ARHGAP22: variants seen among roughly 807,000 people sequenced by gnomAD.
The protein encoded by ARHGAP22 is Rho GTPase activating protein 22.
Under a neutral mutation model 59.1 loss-of-function variants are expected in ARHGAP22, and 48 were observed. That is an observed-to-expected ratio of 0.81 (90% CI 0.64 to 1.03). The LOEUF is 1.03. Ranked by LOEUF, ARHGAP22 falls within the 50% of genes least tolerant of loss-of-function variation. ARHGAP22 has a pLI of 0.00. For synonymous variants in ARHGAP22, 445 were observed against 416.4 expected (o/e 1.07, Z -0.84); for missense variants, 1,015 against 958.7 (o/e 1.06, Z -0.78).
At chr10:48,522,938 G>A (rs7896115) in intron 3 of ARHGAP22, among the ~76,000 whole-genome samples, 131,748 of 152,220 alleles carry the variant, frequency 0.87, 57,597 homozygotes, top group Non-Finnish European at 0.9. Context: ...GTGTAAATGT[G>A]GGGTCCTGTT....
intron 1 of ARHGAP22, among the ~76,000 whole-genome samples, chr10:48,597,940 G>A (rs1475418228): frequency 1.3e-5 from 2 of 152,222 alleles, no homozygotes; most frequent in Non-Finnish European, 1.5e-5. Flanking sequence ...TTGGATAGTG[G>A]AGTCCAAGGT....
At chr10:48,514,686 C>A (rs1341225512) in intron 3 of ARHGAP22, among the ~76,000 whole-genome samples, 1 of 152,052 alleles carries the variant, frequency 6.6e-6, no homozygotes, top group Non-Finnish European at 1.5e-5. Flanking sequence ...AAATAAAAGA[C>A]AAAATAAATG....
At chr10:48,495,028 C>A (rs2050776337) in intron 3 of ARHGAP22, among the ~76,000 whole-genome samples, 1 of 152,362 alleles carries the variant, frequency 6.6e-6, no homozygotes, top group South Asian at 2.1e-4. Context: ...ATTAGTCTTA[C>A]ACGACTTTCT....
intron 9 of ARHGAP22, 106 bp from the exon 10 acceptor site, chr10:48,446,725 C>T (rs2045390167): frequency 8.8e-7 from 1 of 1,137,862 alleles, no homozygotes; most frequent in South Asian, 1.6e-5. Context: ...TCAGGCCAAG[C>T]CATGGCGGCA....
intron 5 of ARHGAP22, among the ~76,000 whole-genome samples, chr10:48,456,481 G>A (rs978121017): frequency 6.6e-6 from 1 of 152,178 alleles, no homozygotes; most frequent in Non-Finnish European, 1.5e-5. Flanking sequence ...CCCGGGCCAT[G>A]TTCCTGGCCA....
upstream of ARHGAP22, among the ~76,000 whole-genome samples, chr10:48,608,410 A>G (rs1468669410): frequency 2.6e-5 from 4 of 152,164 alleles, no homozygotes; most frequent in African/African-American, 9.7e-5. Flanking sequence ...GTGTGCAGCT[A>G]GAGGAGGGAG....
chr10:48,470,981 A>G (rs2048176469), intron 4 of ARHGAP22, among the ~76,000 whole-genome samples: 1 of 152,182 alleles, frequency 6.6e-6, no homozygotes, highest in African/African-American at 2.4e-5. Context: ...TAGAGATGTC[A>G]TTCCATCAAA....
chr10:48,584,263 T>C (rs566357437), intron 1 of ARHGAP22, among the ~76,000 whole-genome samples: 1 of 152,328 alleles, frequency 6.6e-6, no homozygotes, highest in East Asian at 1.9e-4. Flanking sequence ...CTCTTCCCAC[T>C]ACACTAGTGA....
At chr10:48,524,200 C>G (rs2054105397) in intron 3 of ARHGAP22, 1 of 878,396 alleles carries the variant, frequency 1.1e-6, no homozygotes, top group Non-Finnish European at 1.4e-6. Context: ...GGGCAGTGCC[C>G]AGCTGGGCGC....
intron 3 of ARHGAP22, among the ~76,000 whole-genome samples, chr10:48,509,584 G>A (rs917141449): frequency 1.3e-5 from 2 of 152,230 alleles, no homozygotes; most frequent in Non-Finnish European, 2.9e-5. Context: ...TCACAGCAGA[G>A]GCAGGGCAGG....
intron 1 of ARHGAP22, among the ~76,000 whole-genome samples, chr10:48,598,265 C>T (rs887590936): frequency 2.0e-5 from 3 of 152,146 alleles, no homozygotes; most frequent in East Asian, 1.9e-4. Flanking sequence ...GAGTTTGCAG[C>T]GCCCCTCTTC....
rs952181231 is a variant in ARHGAP22 at position 48,493,440 on chromosome 10, C to T, written c.323-13676G>A. ...CAGTGACTCCAGCTATCCACTTACCCCTGGGCATACGCCTGCTCCTCTTCA... is the reference window on the plus strand; with the variant it reads ...CAGTGACTCCAGCTATCCACTTACCTCTGGGCATACGCCTGCTCCTCTTCA... On this transcript the variant is annotated intron_variant, in intron 3 of 9. Coordinates refer to ENST00000249601, the MANE Select transcript of ARHGAP22 (RefSeq NM_021226.4). 4 of 1,535,774 alleles carry T rather than the reference C, an allele frequency of 2.6e-6. No individual in the cohort carries two copies. The Admixed American group carries it at 7.8e-5, about 30-fold the overall frequency.
At chr10:48,437,470 GT>G in the ARHGAP22 span, 9 of 151,948 alleles carry the variant, frequency 5.9e-5, no homozygotes, top group African/African-American at 2.2e-4. Context: ...TATACTCACT[GT>G]CTTACTATCA....
At chr10:48,621,248 AGTT>A (rs2061276739) in intron 1 of ARHGAP22, among the ~76,000 whole-genome samples, 1 of 152,194 alleles carries the variant, frequency 6.6e-6, no homozygotes, top group Admixed American at 6.5e-5. Flanking sequence ...TTTTGCAAGA[AGTT>A]GTCCTTATTT....
chr10:48,449,623 G>A (rs150607918), intron 9 of ARHGAP22, among the ~76,000 whole-genome samples: 54 of 152,354 alleles, frequency 3.5e-4, no homozygotes, highest in African/African-American at 1.3e-3. Context: ...TGAGGGAAAC[G>A]CCCTGCGCTG....
chr10:48,482,404 G>T (rs1488261150), intron 3 of ARHGAP22, among the ~76,000 whole-genome samples: 1 of 152,200 alleles, frequency 6.6e-6, no homozygotes, highest in Non-Finnish European at 1.5e-5. Context: ...TCTGCAAATA[G>T]AGACAGTTTA....
intron 3 of ARHGAP22, among the ~76,000 whole-genome samples, chr10:48,497,743 C>T (rs1191486207): frequency 1.3e-5 from 2 of 152,166 alleles, no homozygotes; most frequent in Non-Finnish European, 2.9e-5. Context: ...ATACCTCAGT[C>T]CCAGGTGCAG....
chr10:48,636,207 A>G (rs539950399), intron 1 of ARHGAP22, among the ~76,000 whole-genome samples: 2 of 152,312 alleles, frequency 1.3e-5, no homozygotes, highest in South Asian at 2.1e-4. Flanking sequence ...TCTGCCCTGC[A>G]CAGCTTCAGC....
intron 1 of ARHGAP22, among the ~76,000 whole-genome samples, chr10:48,645,350 A>C (rs1000011995): frequency 3.3e-5 from 5 of 152,222 alleles, no homozygotes; most frequent in Non-Finnish European, 7.4e-5. Flanking sequence ...CCTCATTAAC[A>C]TACATAAAAA....
Sources: gnomAD v4.1 joint callset for allele counts (sites outside exome capture counted in the v4.1 genomes callset) on GRCh38, gnomAD v4.1.1 for gene constraint, MANE v1.5 for transcripts, NCBI Gene and HGNC (gene_info 2026-07-23, HGNC 2026-07-21) for gene names.